CYP26B1: variants seen among roughly 807,000 people sequenced by gnomAD.
The protein encoded by CYP26B1 is cytochrome P450 26B1.
In CYP26B1, 8 loss-of-function variants were observed where a neutral mutation model predicts 39.1. That is an observed-to-expected ratio of 0.20 (90% confidence interval 0.12 to 0.37). The LOEUF (loss-of-function observed/expected upper bound fraction) is 0.37. Among genes scored for constraint, CYP26B1 ranks in the 10% least tolerant of loss-of-function variants. CYP26B1 has a pLI of 1.00. For missense variants in CYP26B1, 615 were observed against 707.0 expected, an observed-to-expected ratio of 0.87 and a Z score of 1.48; for synonymous variants, 321 against 314.3, an observed-to-expected ratio of 1.02 and a Z score of -0.23.
rs770856591 is a variant in CYP26B1 at position 72,133,214 on chromosome 2, G to A, written c.955C>T (p.Leu319=). The A allele has an allele frequency of 5.6e-6, 9 of 1,612,156 alleles. No homozygotes were observed. The highest frequency in any genetic ancestry group is 7.6e-6 in the Non-Finnish European group (9 of 1,179,682). The change falls in exon 5 of 6, where the codon CTG becomes TTG. Residue 319 remains leucine (L), a synonymous_variant. Transcript: ENST00000001146. ...CGCAGCTCATCCCGCAGCTTCTCCA[G>A]CACAGTGGGGTGCTTCAGCAGCTGC... ...IMQLLKHPTV[L]EKLRDELRAH...
At chr2:72,146,984 C>T (rs1481466481) in intron 1 of CYP26B1, among the ~76,000 whole-genome samples, 1 of 152,162 alleles carries the variant, frequency 6.6e-6, no homozygotes, top group Non-Finnish European at 1.5e-5. Context: ...ACTGTCCCCA[C>T]CCAATAAGTA....
At chr2:72,145,531 T>A (rs1033394923) in intron 1 of CYP26B1, among the ~76,000 whole-genome samples, 65 of 152,050 alleles carry the variant, frequency 4.3e-4, no homozygotes, top group African/African-American at 1.5e-3. Context: ...TAGGCGGAGG[T>A]GGGGTGCGAC....
intron 2 of CYP26B1, among the ~76,000 whole-genome samples, chr2:72,142,624 T>C (rs567157110): frequency 7.2e-4 from 110 of 152,304 alleles, no homozygotes; most frequent in African/African-American, 2.4e-3. Flanking sequence ...TCCACTCTCC[T>C]CGCTCTTTGG....
At chr2:72,145,324 C>A (rs918908309) in intron 1 of CYP26B1, among the ~76,000 whole-genome samples, 3 of 152,200 alleles carry the variant, frequency 2.0e-5, no homozygotes, top group African/African-American at 4.8e-5. Context: ...AGTGACTCTG[C>A]AGAACCCGGA....
At chr2:72,146,324 G>A (rs1677122089) in intron 1 of CYP26B1, among the ~76,000 whole-genome samples, 1 of 151,424 alleles carries the variant, frequency 6.6e-6, no homozygotes, top group Non-Finnish European at 1.5e-5. Context: ...CTTTAAGTGT[G>A]GTGGCGAGGG....
rs373336736 is a variant in CYP26B1, at chr2:72,130,829, G to C, written c.*1398C>G. On this transcript the variant is annotated 3_prime_UTR_variant, in exon 6 of 6. Coordinates refer to ENST00000001146, the MANE Select transcript of CYP26B1 (RefSeq NM_019885.4). ...TAGCCGCCTCTTCAGCTTCAGCTGCGGCAGCCTTCCCGCAGCTGTCCGGAG... is the reference window on the plus strand; with the variant it reads ...TAGCCGCCTCTTCAGCTTCAGCTGCCGCAGCCTTCCCGCAGCTGTCCGGAG... 1 of 152,036 alleles carries C rather than the reference G, an allele frequency of 6.6e-6. No homozygotes were observed. The highest frequency in any genetic ancestry group is 1.5e-5 in the Non-Finnish European group (1 of 68,018). The allele number at this position is 152,036 out of a possible 1,614,324, so 9.4% of individuals were successfully genotyped here.
In CYP26B1 at chr2:72,129,532, T is replaced by A. The variant is rs1354179897; in HGVS notation, c.*2695A>T. On this transcript the variant is annotated 3_prime_UTR_variant, in exon 6 of 6. Coordinates refer to ENST00000001146, the MANE Select transcript of CYP26B1 (RefSeq NM_019885.4). ...ATAACAAATATTTAACAGCAAAAAC[T>A]TTATACTAAATATCTATTTTGAATT... 1 of 152,526 alleles carries A rather than the reference T, an allele frequency of 6.6e-6. No individual in the cohort carries two copies. Among genetic ancestry groups the A allele is most frequent in the East Asian group, 1.9e-4 (1 of 5,200 alleles). 9.4% of individuals were successfully genotyped at this position (152,526 alleles called of 1,614,324 possible).
chr2:72,138,339 C>T (rs566507984), intron 2 of CYP26B1, among the ~76,000 whole-genome samples: 2 of 152,114 alleles, frequency 1.3e-5, no homozygotes, highest in Admixed American at 6.5e-5. Context: ...GAGGCAGAGG[C>T]GCAGGCTGGG....
chr2:72,135,354 G>T lies in CYP26B1; in HGVS notation c.495C>A (p.Ile165=). 3.1e-6 allele frequency: 5 copies of T among 1,613,882 alleles called. No individual in the cohort carries two copies. Among genetic ancestry groups the T allele is most frequent in the Non-Finnish European group, 4.2e-6 (5 of 1,180,036 alleles). Residue 165 remains isoleucine (I), a synonymous_variant, in exon 3 of 6, where the codon ATC becomes ATA. Coordinates refer to ENST00000001146, the MANE Select transcript of CYP26B1 (RefSeq NM_019885.4). ...ESYLPKIQLV[I]QDTLRAWSSH... ...TGCTCCAGGCGCGCAGTGTGTCCTG[G>T]ATCACCAGCTGGATCTTGGGCAGGT...
At chr2:72,138,480 G>C (rs894965878) in intron 2 of CYP26B1, among the ~76,000 whole-genome samples, 1 of 152,322 alleles carries the variant, frequency 6.6e-6, no homozygotes, top group East Asian at 1.9e-4. Flanking sequence ...TTCCTGGCCC[G>C]GAGCTACTTC....
rs1334593497 is a variant in CYP26B1 at position 72,144,199 on chromosome 2, C to A, written c.219G>T (p.Gln73His). ...GHWLLQGSGF[Q>H]SSRREKYGNV... is the part of the protein sequence containing the mutation. Reference sequence around the variant, plus strand: ...TGCCATACTTCTCCCTCCGCGACGACTGGAAGCCAGAACCCTGCGGGAGCC... The same window carrying A: ...TGCCATACTTCTCCCTCCGCGACGAATGGAAGCCAGAACCCTGCGGGAGCC... The change falls in exon 2 of 6, where the codon CAG becomes CAT. Residue 73 changes from glutamine to histidine, a missense_variant. By Grantham distance (24) the Gln-to-His change is conservative. Coordinates refer to ENST00000001146, the MANE Select transcript of CYP26B1 (RefSeq NM_019885.4). The A allele has an allele frequency of 6.3e-7, 1 of 1,594,138 alleles. No individual in the cohort carries two copies. Among genetic ancestry groups the A allele is most frequent in the Non-Finnish European group, 8.6e-7 (1 of 1,165,516 alleles).
rs1209576035 is a variant in CYP26B1, at chr2:72,131,339, G to A, written c.*888C>T. The A allele has an allele frequency of 6.6e-6, 1 of 152,242 alleles. No homozygotes were observed. The highest frequency in any genetic ancestry group is 1.5e-5 in the Non-Finnish European group (1 of 68,052). 9.4% of individuals were successfully genotyped at this position (152,242 alleles called of 1,614,324 possible). On this transcript the variant is annotated 3_prime_UTR_variant, in exon 6 of 6. Transcript: ENST00000001146. ...GCCCTGGGGGCTGGGTTTGACCAGA[G>A]ACCCCTTCCTCTTCACTCACAGAAG... is the stretch of plus-strand genomic sequence containing the variant.
chr2:72,129,484 G>C lies in CYP26B1; in HGVS notation c.*2743C>G, dbSNP rs953198239. 6.6e-6 allele frequency: 1 copy of C among 152,448 alleles called. No homozygotes were observed. Among genetic ancestry groups the C allele is most frequent in the African/African-American group, 2.4e-5 (1 of 41,360 alleles). The allele number at this position is 152,448 out of a possible 1,614,324, so 9.4% of individuals were successfully genotyped here. A position where few individuals can be genotyped will look rare whatever the true frequency, so the allele number is the denominator to read the frequency against. On this transcript the variant is annotated 3_prime_UTR_variant, in exon 6 of 6. Coordinates refer to ENST00000001146, the MANE Select transcript of CYP26B1 (RefSeq NM_019885.4). ...AATATTTTGAACCATGTTTACAATAGAGCAAAATTCATATTTTACTAAATA... is the reference window on the plus strand; with the variant it reads ...AATATTTTGAACCATGTTTACAATACAGCAAAATTCATATTTTACTAAATA...
intron 4 of CYP26B1, 85 bp downstream of exon 4, chr2:72,134,676 T>C: frequency 4.5e-6 from 7 of 1,546,736 alleles, no homozygotes; most frequent in Non-Finnish European, 6.1e-6. Flanking sequence ...GGGGTAGAAA[T>C]GGCTGGGCAC....
chr2:72,140,120 G>T (rs1185003002), intron 2 of CYP26B1, among the ~76,000 whole-genome samples: 1 of 152,196 alleles, frequency 6.6e-6, no homozygotes, highest in East Asian at 1.9e-4. Context: ...TCCAAGGCTG[G>T]GAGAGTGAGC....
In CYP26B1 at chr2:72,147,397, C is replaced by G. The variant is rs893840632; in HGVS notation, c.204+234G>C. Among the ~76,000 whole-genome samples, 1 of 152,150 alleles carries G rather than the reference C, an allele frequency of 6.6e-6. No homozygotes were observed. The highest frequency in any genetic ancestry group is 2.1e-4 in the South Asian group (1 of 4,830). The stretch of plus-strand genomic sequence containing the variant: ...GTCCATCTTGGGAGCCCCCTCAGGT[C>G]CGGGAACCCCTCTTACCAGCCCCCT... On this transcript the variant is annotated intron_variant, in intron 1 of 5. Transcript: ENST00000001146. This position sits in a 1 kb window ranked among gnomAD's most constrained non-coding sequence, Gnocchi z 6.1.
chr2:72,144,414 G>A, intron 1 of CYP26B1: 1 of 1,373,598 alleles, frequency 7.3e-7, no homozygotes, highest in Non-Finnish European at 9.4e-7. Flanking sequence ...AATAAATAAT[G>A]CAAGGAGGCG....
rs1164408910 is a variant in CYP26B1, at chr2:72,129,653, C to T, written c.*2574G>A. The T allele has an allele frequency of 2.0e-5, 3 of 152,326 alleles. No homozygotes were observed. Among genetic ancestry groups the T allele is most frequent in the Non-Finnish European group, 2.9e-5 (2 of 67,978 alleles). 9.4% of individuals were successfully genotyped at this position (152,326 alleles called of 1,614,324 possible). On this transcript the variant is annotated 3_prime_UTR_variant, in exon 6 of 6. Transcript: ENST00000001146. ...TTTGTGTATAAAATAATATTATAGC[C>T]ATCTGGGCAGGGTCACGGTGGTGCC...
At position 72,131,883 on chromosome 2, in the gene CYP26B1, G is replaced by A. The variant is rs1208960007; in HGVS notation, c.*344C>T. On this transcript the variant is annotated 3_prime_UTR_variant, in exon 6 of 6. Coordinates refer to ENST00000001146, the MANE Select transcript of CYP26B1 (RefSeq NM_019885.4). ...AACCCCAGCTAAAAGGGTCCGAAAG[G>A]AACGGAGGGAAGGGAGCAGTTCAGA... 2 of 298,200 alleles carry A rather than the reference G, an allele frequency of 6.7e-6. No homozygotes were observed. The highest frequency in any genetic ancestry group is 9.6e-5 in the Admixed American group (2 of 20,924). 18.5% of individuals were successfully genotyped at this position (298,200 alleles called of 1,614,324 possible). A position where few individuals can be genotyped will look rare whatever the true frequency, so the allele number is the denominator to read the frequency against.
Sources: gnomAD v4.1 joint callset for allele counts (sites outside exome capture counted in the v4.1 genomes callset) on GRCh38, gnomAD v4.1.1 for gene constraint, Gnocchi (gnomAD v3.1) non-coding constraint, MANE v1.5 for transcripts, NCBI Gene and HGNC (gene_info 2026-07-23, HGNC 2026-07-21) for gene names.